ZNF333: variants seen among roughly 807,000 people sequenced by gnomAD.
ZNF333 encodes zinc finger protein 333.
A neutral mutation model predicts 76.1 loss-of-function variants in ZNF333; 61 were observed. That is an observed-to-expected ratio of 0.80 (90% CI 0.65 to 0.99). The LOEUF (loss-of-function observed/expected upper bound fraction) is 0.99, where lower values mean the gene tolerates loss of function less well. ZNF333 is among the 50% of genes least tolerant of loss of function. ZNF333 has a pLI of 0.00. For synonymous variants in ZNF333, 284 were observed against 305.0 expected (o/e 0.93, Z 0.72); for missense variants, 717 against 822.4 (o/e 0.87, Z 1.57).
intron 4 of ZNF333, among the ~76,000 whole-genome samples, chr19:14,696,657 C>T (rs926668502): frequency 1.3e-5 from 2 of 149,890 alleles, no homozygotes; most frequent in Non-Finnish European, 3.0e-5. Flanking sequence ...CTGGTTTTTA[C>T]AGCAAGGCCA....
At chr19:14,701,668 C>G (rs1053333430) in intron 5 of ZNF333, 1 of 985,344 alleles carries the variant, frequency 1.0e-6, no homozygotes, top group Admixed American at 6.1e-5. Flanking sequence ...GGGCTCTCTC[C>G]TTTCAGTACA....
rs1465677116 is a variant in ZNF333, at chr19:14,715,570, T to G, written c.600+100T>G. ...TCTGGATCATCTCATAGGGTTGGTC[T>G]CCATGCTTTCAGGGACTGGGCCTCT... On this transcript the variant is annotated intron_variant, in intron 8 of 11. Transcript: ENST00000292530. The G allele has an allele frequency of 2.6e-6, 3 of 1,175,668 alleles. No individual in the cohort carries two copies. In the African/African-American group the frequency reaches 4.6e-5, roughly 18 times the overall value. The allele number at this position is 1,175,668 out of a possible 1,614,324, so 72.8% of individuals were successfully genotyped here.
intron 7 of ZNF333, among the ~76,000 whole-genome samples, chr19:14,710,015 T>C (rs1009206212): frequency 3.9e-5 from 6 of 152,040 alleles, no homozygotes; most frequent in South Asian, 2.1e-4. Context: ...AGGAACAACA[T>C]TGATAAAATT....
intron 11 of ZNF333, among the ~76,000 whole-genome samples, chr19:14,729,868 C>T (rs1034387616): frequency 1.3e-5 from 2 of 152,152 alleles, no homozygotes; most frequent in African/African-American, 4.8e-5. Flanking sequence ...CATCATGTTG[C>T]TCTTGATAAA....
intron 6 of ZNF333, chr19:14,706,112 C>T (rs776707197): frequency 1.7e-5 from 8 of 457,656 alleles, no homozygotes; most frequent in African/African-American, 1.0e-4. Context: ...GTCCCTGCTG[C>T]TGCCATCCTG....
At chr19:14,716,520 A>G (rs1245370719) in intron 9 of ZNF333, among the ~76,000 whole-genome samples, 2 of 152,238 alleles carry the variant, frequency 1.3e-5, no homozygotes, top group African/African-American at 2.4e-5. Flanking sequence ...CAGCCCCACA[A>G]TGTGCTGGGA....
At chr19:14,731,138 T>G in intron 11 of ZNF333, 1 of 1,529,818 alleles carries the variant, frequency 6.5e-7, no homozygotes, top group Non-Finnish European at 8.8e-7. Flanking sequence ...TTCTCTTCTC[T>G]TTCCCTCATT....
chr19:14,711,056 CCTT>C (rs1266340820), intron 7 of ZNF333, among the ~76,000 whole-genome samples: 1 of 152,136 alleles, frequency 6.6e-6, no homozygotes, highest in Non-Finnish European at 1.5e-5. Flanking sequence ...GAAGAGTACT[CCTT>C]CTCTCTGAGG....
At chr19:14,692,879 G>A (rs1047472603) in intron 1 of ZNF333, among the ~76,000 whole-genome samples, 8 of 150,230 alleles carry the variant, frequency 5.3e-5, no homozygotes, top group Non-Finnish European at 1.0e-4. Context: ...CTGCAATGCC[G>A]TGGCACGATC....
chr19:14,714,278 A>G (rs1019576277), intron 7 of ZNF333, among the ~76,000 whole-genome samples: 1 of 152,088 alleles, frequency 6.6e-6, no homozygotes, highest in Admixed American at 6.6e-5. Flanking sequence ...CCAAGTTAGG[A>G]GGTCACAAGG....
chr19:14,696,648 TG>T (rs1260714117), intron 4 of ZNF333, among the ~76,000 whole-genome samples: 1 of 151,400 alleles, frequency 6.6e-6, no homozygotes, highest in Non-Finnish European at 1.5e-5. Flanking sequence ...AGGCCCAGAC[TG>T]GTTTTTACAG....
At chr19:14,732,028 C>T (rs748054300) in exon 12 of ZNF333, 1 of 152,130 alleles carries the variant, frequency 6.6e-6, no homozygotes, top group Non-Finnish European at 1.5e-5. Flanking sequence ...CCTTTCCTTC[C>T]TCCTCATTTT....
At chr19:14,699,943 C>T (rs1164993502) in intron 5 of ZNF333, among the ~76,000 whole-genome samples, 5 of 152,034 alleles carry the variant, frequency 3.3e-5, no homozygotes, top group Admixed American at 2.6e-4. Context: ...GAATATGCTC[C>T]CGGTGGGGAG....
intron 11 of ZNF333, among the ~76,000 whole-genome samples, chr19:14,730,411 C>T (rs1280852674): frequency 6.6e-6 from 1 of 151,630 alleles, no homozygotes; most frequent in Non-Finnish European, 1.5e-5. Flanking sequence ...TCTCTCTTAT[C>T]CCACCATCAG....
chr19:14,708,770 G>A (rs1034257434), intron 7 of ZNF333: 8 of 168,318 alleles, frequency 4.8e-5, no homozygotes, highest in South Asian at 2.0e-4. Flanking sequence ...TTGTCTCACC[G>A]TTCTGGAGGC....
chr19:14,719,058 C>T lies in ZNF333; in HGVS notation c.1731C>T (p.Leu577=). ...CGRAFSEPSS[L]RKHARTHSGK... ...GAGCCTTCAGTGAGCCCTCATCCCT[C>T]AGGAAACATGCAAGGACTCACAGTG... Residue 577 remains leucine, a synonymous_variant, in exon 12 of 12, where the codon CTC becomes CTT. Transcript: ENST00000292530. The T allele has an allele frequency of 1.9e-6, 3 of 1,613,850 alleles. No homozygotes were observed. The highest frequency in any genetic ancestry group is 1.1e-5 in the South Asian group (1 of 91,056).
Position 14,695,607 on chromosome 19 carries a change from C to G in ZNF333, c.169C>G (p.Gln57Glu), listed in dbSNP as rs773460341. Residue 57 changes from glutamine to glutamate, a missense_variant, in exon 4 of 12, where the codon CAA (glutamine) becomes GAA (glutamate). Physicochemically the swap from Gln to Glu is conservative, Grantham distance 29. Transcript: ENST00000292530. The part of the protein sequence containing the change: ...CKPSCVSQLG[Q>E]RAEPKATERG... The stretch of plus-strand genomic sequence containing the variant: ...ACCCAGTTGTGTCTCCCAGCTGGGG[C>G]AAAGAGCAGAGCCAAAGGCAACAGA... 10 of 1,614,030 alleles carry G rather than the reference C, an allele frequency of 6.2e-6. No individual in the cohort carries two copies. In the African/African-American group the frequency reaches 1.3e-4, roughly 22 times the overall value.
At chr19:14,709,698 T>G (rs559648630) in intron 7 of ZNF333, among the ~76,000 whole-genome samples, 2 of 152,194 alleles carry the variant, frequency 1.3e-5, no homozygotes, top group South Asian at 4.2e-4. Flanking sequence ...ACACCAGAGC[T>G]CTCTCGCCCA....
At chr19:14,712,673 T>G (rs1366232243) in intron 7 of ZNF333, among the ~76,000 whole-genome samples, 1 of 152,174 alleles carries the variant, frequency 6.6e-6, no homozygotes, top group Non-Finnish European at 1.5e-5. Context: ...TTGGTGCTCC[T>G]TGGCTTGTGG....
Sources: gnomAD v4.1 joint callset for allele counts (sites outside exome capture counted in the v4.1 genomes callset) on GRCh38, gnomAD v4.1.1 for gene constraint, MANE v1.5 for transcripts, NCBI Gene and HGNC (gene_info 2026-07-23, HGNC 2026-07-21) for gene names.